The following GSE1 variants were observed in gnomAD, a reference collection of about 807,000 sequenced individuals.
GSE1 encodes Gse1 coiled-coil protein, also known as genetic suppressor element 1.
GSE1 carries 32 observed loss-of-function variants against 112.6 expected under a neutral mutation model. The observed-to-expected ratio is 0.28, with a 90% CI of 0.21 to 0.38. The LOEUF is 0.38. Among genes scored for constraint, GSE1 ranks in the 10% least tolerant of loss-of-function variants. GSE1 has a pLI of 1.00. For synonymous variants in GSE1, 1,115 were observed against 735.6 expected, an observed-to-expected ratio of 1.52 and a Z score of -8.35; for missense variants, 2,348 against 1,699.2, an observed-to-expected ratio of 1.38 and a Z score of -6.71.
At chr16:85,452,453 A>C (rs7186021) in intron 2 of GSE1, among the ~76,000 whole-genome samples, 73,478 of 152,090 alleles carry the variant, frequency 0.48, 17,932 homozygotes, top group East Asian at 0.66. Context: ...GGCCATACTC[A>C]CGCAGACTTT....
chr16:85,222,019 T>C (rs2075402824), intron 1 of GSE1, among the ~76,000 whole-genome samples: 1 of 152,128 alleles, frequency 6.6e-6, no homozygotes, highest in African/African-American at 2.4e-5. Flanking sequence ...GCCTGGTATC[T>C]GTCAGCCTCG....
chr16:85,654,148 TTAGGGAAAGGATGTTTC>T lies in GSE1; in HGVS notation c.427-126_427-110del, dbSNP rs2051692705. 6.0e-6 allele frequency: 5 copies of T among 835,364 alleles called. No homozygotes were observed. In the East Asian group the frequency reaches 1.4e-4, roughly 23 times the overall value. 51.7% of individuals were successfully genotyped at this position (835,364 alleles called of 1,614,324 possible). A position where few individuals can be genotyped will look rare whatever the true frequency, so the allele number is the denominator to read the frequency against. On this transcript the variant is annotated intron_variant, in intron 3 of 15. Transcript: ENST00000253458. Reference sequence around the variant, plus strand: ...TGCACCATGTTTTGCGTAGAAAGCCTTAGGGAAAGGATGTTTCTAGAACATGAACTAAATCTAGCGCC... The same window carrying T: ...TGCACCATGTTTTGCGTAGAAAGCCTTAGAACATGAACTAAATCTAGCGCC...
At chr16:85,543,651 A>G (rs932786624) in intron 2 of GSE1, among the ~76,000 whole-genome samples, 2 of 152,182 alleles carry the variant, frequency 1.3e-5, no homozygotes, top group African/African-American at 4.8e-5. Context: ...AGAGCACCCC[A>G]TTCAGCCCCT....
intron 1 of GSE1, among the ~76,000 whole-genome samples, chr16:85,561,265 A>C (rs955153401): frequency 7.9e-5 from 12 of 152,174 alleles, no homozygotes; most frequent in Admixed American, 7.9e-4. Context: ...ACAGCCAGGG[A>C]AACTGAGGTA....
intron 1 of GSE1, among the ~76,000 whole-genome samples, chr16:85,229,362 T>C (rs2075543482): frequency 6.6e-6 from 1 of 152,212 alleles, no homozygotes; most frequent in South Asian, 2.1e-4. Context: ...GGAGCGGGCT[T>C]GTGGCTGCCG....
intron 2 of GSE1, among the ~76,000 whole-genome samples, chr16:85,454,613 G>A (rs981711947): frequency 3.3e-5 from 5 of 152,252 alleles, no homozygotes; most frequent in Non-Finnish European, 7.3e-5. Flanking sequence ...TTCTGGAGAC[G>A]TCCAAAGTCA....
chr16:85,383,460 GTC>G (rs1363985386), intron 2 of GSE1, among the ~76,000 whole-genome samples: 1 of 147,048 alleles, frequency 6.8e-6, no homozygotes, highest in Non-Finnish European at 1.5e-5. Flanking sequence ...TGTACACACA[GTC>G]TGTCACACAT....
chr16:85,284,575 C>G (rs555869182), intron 1 of GSE1, among the ~76,000 whole-genome samples: 1 of 152,300 alleles, frequency 6.6e-6, no homozygotes, highest in South Asian at 2.1e-4. Flanking sequence ...TGACGATTCT[C>G]GGGAACTCGG....
In GSE1 at chr16:85,644,981, C is replaced by T. The variant is rs57188661; in HGVS notation, c.227-3571C>T. 1.2e-3 allele frequency among the ~76,000 whole-genome samples: 179 copies of T among 152,106 alleles called. 2 individuals are homozygous for T. Among genetic ancestry groups the T allele is most frequent in the African/African-American group, 4.1e-3 (170 of 41,460 alleles). On this transcript the variant is annotated intron_variant, in intron 2 of 15. Coordinates refer to ENST00000253458, the MANE Select transcript of GSE1 (RefSeq NM_014615.5). The stretch of plus-strand genomic sequence containing the variant: ...GCGCCTAGACTGCCAGTGTCCAGAA[C>T]GAACCCACAGATCAGGAGGGCTGAG...
At chr16:85,391,670 C>T (rs1222053695) in intron 2 of GSE1, among the ~76,000 whole-genome samples, 1 of 152,200 alleles carries the variant, frequency 6.6e-6, no homozygotes, top group Non-Finnish European at 1.5e-5. Flanking sequence ...ATGACATCTG[C>T]AAAGACCCTG....
rs551765883 is a variant in GSE1, at chr16:85,391,028, C to T, written c.2464+33385C>T. 8.6e-5 allele frequency among the ~76,000 whole-genome samples: 13 copies of T among 152,008 alleles called. No individual in the cohort carries two copies. The East Asian group carries it at 1.6e-3, about 18-fold the overall frequency. ...CGCCCTGGGAGTTGACAGGACAAGGCGCCAGCCTCCTTGGCTGGGGCTGCT... is the reference window on the plus strand; with the variant it reads ...CGCCCTGGGAGTTGACAGGACAAGGTGCCAGCCTCCTTGGCTGGGGCTGCT... On this transcript the variant is annotated intron_variant, in intron 2 of 2. Transcript: ENST00000637419.
intron 2 of GSE1, among the ~76,000 whole-genome samples, chr16:85,366,515 G>A (rs916705073): frequency 6.6e-6 from 1 of 152,234 alleles, no homozygotes; most frequent in Non-Finnish European, 1.5e-5. Flanking sequence ...AGCTTTAGAA[G>A]CCCAGGCAGC....
At chr16:85,671,332 T>C (rs1029394840) in intron 15 of GSE1, among the ~76,000 whole-genome samples, 38 of 149,096 alleles carry the variant, frequency 2.5e-4, no homozygotes, top group Non-Finnish European at 5.2e-4. Flanking sequence ...CCCAGCTACT[T>C]GGGAGGCTGA....
chr16:85,559,138 G>C lies in GSE1; in HGVS notation c.37+2775G>C, dbSNP rs570581642. 3.3e-5 allele frequency among the ~76,000 whole-genome samples: 5 copies of C among 152,340 alleles called. No homozygotes were observed. The South Asian group carries it at 1.0e-3, about 32-fold the overall frequency. ...CTCCCACCTTGGGCTGGGATTACAG[G>C]CTTTACGTGCCCAGCCCTGGCCTGG... On this transcript the variant is annotated intron_variant, in intron 1 of 2. Transcript: ENST00000635906.
chr16:85,342,454 T>G (rs1287216422), intron 1 of GSE1, among the ~76,000 whole-genome samples: 2 of 152,136 alleles, frequency 1.3e-5, no homozygotes, highest in Admixed American at 1.3e-4. Context: ...GCTCTGCTCC[T>G]TCAGTCATTG....
intron 1 of GSE1, among the ~76,000 whole-genome samples, chr16:85,567,523 G>A (rs952037008): frequency 2.0e-5 from 3 of 152,274 alleles, no homozygotes; most frequent in Non-Finnish European, 2.9e-5. Flanking sequence ...ACGCCTCCTC[G>A]TGGCCCCTCA....
intron 1 of GSE1, among the ~76,000 whole-genome samples, chr16:85,584,592 C>T (rs1054172530): frequency 6.6e-6 from 1 of 152,216 alleles, no homozygotes; most frequent in African/African-American, 2.4e-5. Flanking sequence ...CCTCCCTCTC[C>T]CCGCACGCGT....
intron 1 of GSE1, among the ~76,000 whole-genome samples, chr16:85,313,501 A>C (rs975821478): frequency 5.9e-5 from 9 of 152,124 alleles, no homozygotes; most frequent in Non-Finnish European, 7.4e-5. Flanking sequence ...GCCCCGAGGA[A>C]GCCAAGCAGA....
intron 2 of GSE1, among the ~76,000 whole-genome samples, chr16:85,390,358 A>G (rs989840064): frequency 6.6e-6 from 1 of 152,004 alleles, no homozygotes; most frequent in African/African-American, 2.4e-5. Context: ...CTTTCTGGCA[A>G]CAAGATCAGG....
Sources: gnomAD v4.1 joint callset for allele counts (sites outside exome capture counted in the v4.1 genomes callset) on GRCh38, gnomAD v4.1.1 for gene constraint, MANE v1.5 for transcripts, NCBI Gene and HGNC (gene_info 2026-07-23, HGNC 2026-07-21) for gene names.